Variants in LAMA2 observed in about 807,000 individuals in gnomAD.
LAMA2 encodes laminin subunit alpha-2.
In LAMA2, 269 loss-of-function variants were observed where a neutral mutation model predicts 364.8. That is an observed-to-expected ratio of 0.74 (90% confidence interval 0.67 to 0.82). The LOEUF (loss-of-function observed/expected upper bound fraction) is 0.82, where lower values mean the gene tolerates loss of function less well. LAMA2 is among the 40% of genes least tolerant of loss of function. The pLI, the probability that LAMA2 is intolerant of heterozygous loss-of-function variation, is 0.00. For missense variants in LAMA2, 3,807 were observed against 3,873.2 expected (o/e 0.98, Z 0.45); for synonymous variants, 1,379 against 1,370.6 (o/e 1.01, Z -0.14).
intron 1 of LAMA2, among the ~76,000 whole-genome samples, chr6:129,020,224 CT>C (rs1785359977): frequency 1.3e-5 from 2 of 152,010 alleles, no homozygotes; most frequent in South Asian, 4.1e-4. Context: ...CTCTGGGATC[CT>C]GTCATTTCTC....
intron 31 of LAMA2, among the ~76,000 whole-genome samples, chr6:129,349,731 G>T (rs999417639): frequency 6.6e-6 from 1 of 151,644 alleles, no homozygotes; most frequent in Non-Finnish European, 1.5e-5. Context: ...TAAGAAACTG[G>T]CTACACTTTT....
chr6:129,114,536 G>A (rs1333805654), intron 4 of LAMA2, among the ~76,000 whole-genome samples: 1 of 151,910 alleles, frequency 6.6e-6, no homozygotes, highest in Non-Finnish European at 1.5e-5. Context: ...ACTTTTGCTT[G>A]TTTGTTTGTT....
intron 35 of LAMA2, among the ~76,000 whole-genome samples, chr6:129,388,117 G>A (rs1275153506): frequency 6.6e-6 from 1 of 151,958 alleles, no homozygotes; most frequent in African/African-American, 2.4e-5. Flanking sequence ...AATCAGCTGG[G>A]CACGGTGGCA....
intron 58 of LAMA2, among the ~76,000 whole-genome samples, chr6:129,501,136 A>C (rs1281202825): frequency 2.0e-5 from 3 of 152,184 alleles, no homozygotes; most frequent in Non-Finnish European, 2.9e-5. Context: ...CTGTCCGGGA[A>C]ATATCGTGAG....
chr6:129,059,969 G>A, intron 3 of LAMA2, 73 bp downstream of exon 3: 1 of 826,608 alleles, frequency 1.2e-6, no homozygotes, highest in Admixed American at 1.8e-5. Context: ...TTAGTTAGTG[G>A]TTTGTGGGTG....
chr6:129,380,724 A>G (rs1055730450), intron 34 of LAMA2, among the ~76,000 whole-genome samples: 1 of 152,200 alleles, frequency 6.6e-6, no homozygotes, highest in Non-Finnish European at 1.5e-5. Flanking sequence ...TTGCATATTT[A>G]ATATACTAAA....
chr6:129,246,591 G>A (rs187693562), intron 12 of LAMA2, among the ~76,000 whole-genome samples: 170 of 152,188 alleles, frequency 1.1e-3, no homozygotes, highest in Non-Finnish European at 1.5e-3. Context: ...GAGCCACTGG[G>A]GAATCTTCAT....
intron 1 of LAMA2, among the ~76,000 whole-genome samples, chr6:128,995,571 G>A (rs1401588357): frequency 3.9e-5 from 6 of 152,132 alleles, no homozygotes; most frequent in African/African-American, 1.4e-4. Flanking sequence ...TGATCCGCCT[G>A]CCTTGGCCTT....
intron 1 of LAMA2, among the ~76,000 whole-genome samples, chr6:128,908,760 C>G (rs1431049458): frequency 2.7e-5 from 4 of 148,702 alleles, no homozygotes; most frequent in Non-Finnish European, 6.0e-5. Flanking sequence ...CCTGCTGTCT[C>G]TTGTGGGCAT....
chr6:129,391,688 A>T (rs1369710229), intron 36 of LAMA2, 35 bp downstream of exon 36: 1 of 1,573,688 alleles, frequency 6.4e-7, no homozygotes, highest in Non-Finnish European at 8.7e-7. Context: ...TCTTTTGACA[A>T]ACTGAGATTT....
chr6:129,430,987 A>G (rs962646014), intron 41 of LAMA2, among the ~76,000 whole-genome samples: 1 of 152,138 alleles, frequency 6.6e-6, no homozygotes, highest in African/African-American at 2.4e-5. Flanking sequence ...AAGATTTTAA[A>G]ATTATACATC....
chr6:128,925,309 C>T (rs574927795), intron 1 of LAMA2, among the ~76,000 whole-genome samples: 6 of 152,072 alleles, frequency 3.9e-5, no homozygotes, highest in Admixed American at 6.5e-5. Flanking sequence ...TGCATGTATA[C>T]GATGGAACAT....
At chr6:129,357,729 G>C (rs141966902) in intron 32 of LAMA2, among the ~76,000 whole-genome samples, 1 of 152,000 alleles carries the variant, frequency 6.6e-6, no homozygotes, top group African/African-American at 2.4e-5. Context: ...GTTTTTAATA[G>C]CCAGTTGCCA....
At chr6:128,988,750 G>T (rs1284887932) in intron 1 of LAMA2, among the ~76,000 whole-genome samples, 1 of 152,136 alleles carries the variant, frequency 6.6e-6, no homozygotes, top group East Asian at 1.9e-4. Context: ...TTTCATCAGA[G>T]ATGAGCTAAA....
chr6:129,511,609 GA>G (rs1452167795), intron 62 of LAMA2, among the ~76,000 whole-genome samples: 1 of 152,098 alleles, frequency 6.6e-6, no homozygotes, highest in African/African-American at 2.4e-5. Flanking sequence ...AAGACTTGGA[GA>G]AAATTCCCCT....
chr6:129,184,174 T>C (rs1781096070), intron 10 of LAMA2, among the ~76,000 whole-genome samples: 1 of 151,974 alleles, frequency 6.6e-6, no homozygotes. Context: ...TTAACATTTT[T>C]ATTGGTTTTG....
At chr6:129,221,416 TCAA>T (rs1783847413) in intron 12 of LAMA2, among the ~76,000 whole-genome samples, 1 of 121,750 alleles carries the variant, frequency 8.2e-6, no homozygotes, top group African/African-American at 3.2e-5. Flanking sequence ...AAAAAAAAAA[TCAA>T]CAATAAACAT....
At chr6:128,948,442 T>C (rs1780611382) in intron 1 of LAMA2, among the ~76,000 whole-genome samples, 1 of 152,130 alleles carries the variant, frequency 6.6e-6, no homozygotes, top group South Asian at 2.1e-4. Flanking sequence ...CCTGTTTCCA[T>C]CCAAGACTAT....
intron 3 of LAMA2, among the ~76,000 whole-genome samples, chr6:129,086,586 C>T (rs1774398363): frequency 6.6e-6 from 1 of 152,168 alleles, no homozygotes; most frequent in African/African-American, 2.4e-5. Flanking sequence ...TTGAAATACT[C>T]ATAGGCATGA....
Sources: allele counts gnomAD v4.1 joint callset (sites outside exome capture counted in the v4.1 genomes callset), GRCh38; gene constraint gnomAD v4.1.1; transcripts MANE v1.5; gene names NCBI Gene and HGNC (gene_info 2026-07-23, HGNC 2026-07-21).